Variants in PCDHA6 observed in about 807,000 individuals in gnomAD.
PCDHA6 encodes protocadherin alpha 6.
A neutral mutation model predicts 60.3 loss-of-function variants in PCDHA6; 55 were observed. The observed-to-expected ratio is 0.91, with a 90% confidence interval of 0.73 to 1.14. The LOEUF (loss-of-function observed/expected upper bound fraction) is 1.14, where lower values mean the gene tolerates loss of function less well. Ranked by LOEUF, PCDHA6 falls within the 50% of genes most tolerant of loss-of-function variation. PCDHA6 has a pLI of 0.00. For missense variants in PCDHA6, 1,327 were observed against 1,256.5 expected, an observed-to-expected ratio of 1.06 and a Z score of -0.85; for synonymous variants, 652 against 557.9, an observed-to-expected ratio of 1.17 and a Z score of -2.38.
chr5:140,975,016 G>T (rs782435284), intron 1 of PCDHA6, among the ~76,000 whole-genome samples: 6 of 152,128 alleles, frequency 3.9e-5, no homozygotes, highest in Non-Finnish European at 8.8e-5. Context: ...AACACAGCTG[G>T]GCTGTGTTGT....
Position 140,979,718 on chromosome 5 carries a change from T to C in PCDHA6, c.2453+711T>C, listed in dbSNP as rs372148471. Among the ~76,000 whole-genome samples, 17 of 152,388 alleles carry C rather than the reference T, an allele frequency of 1.1e-4. No homozygotes were observed. The East Asian group carries it at 2.7e-3, about 24-fold the overall frequency. On this transcript the variant is annotated intron_variant, in intron 2 of 3. Transcript: ENST00000529310. ...ATTTCTGGAGGTGATCCAGTATCCA[T>C]GCCATGGGGCCAAATAAAAGATTCA...
chr5:140,853,678 AC>A, intron 1 of PCDHA6: 1 of 988,418 alleles, frequency 1.0e-6, no homozygotes, highest in Non-Finnish European at 1.2e-6. Context: ...CCTATGGTCA[AC>A]CTATCCTTAG....
chr5:140,858,202 A>T (rs782325182), intron 1 of PCDHA6: 5 of 1,597,020 alleles, frequency 3.1e-6, no homozygotes. Context: ...TGTACACTGC[A>T]CTGAGGTGCT....
chr5:140,871,143 G>C (rs2052747767), intron 1 of PCDHA6: 1 of 1,613,356 alleles, frequency 6.2e-7, no homozygotes, highest in South Asian at 1.1e-5. Context: ...CCTCTTCCCG[G>C]ACTTTGGCGG....
At chr5:140,853,308 C>T in intron 1 of PCDHA6, 1 of 983,184 alleles carries the variant, frequency 1.0e-6, no homozygotes, top group Non-Finnish European at 1.2e-6. Context: ...CTGTGAACAC[C>T]TTAGTAATAA....
intron 1 of PCDHA6, chr5:140,928,746 C>G (rs782813323): frequency 1.2e-6 from 2 of 1,614,012 alleles, no homozygotes; most frequent in Non-Finnish European, 1.7e-6. Flanking sequence ...TAGGTGAGCT[C>G]CGTACTGCTC....
In PCDHA6 at chr5:141,010,200, C is replaced by T. The variant is rs1356287133; in HGVS notation, c.*263C>T. On this transcript the variant is annotated 3_prime_UTR_variant, in exon 4 of 4. Coordinates refer to ENST00000529310, the MANE Select transcript of PCDHA6 (RefSeq NM_018909.4). ...AGCAGACCCAAGTTTCCTTTCTCCTCCGCCGCAAAGGAGAGGCTTCCCAGC... is the reference window on the plus strand; with the variant it reads ...AGCAGACCCAAGTTTCCTTTCTCCTTCGCCGCAAAGGAGAGGCTTCCCAGC... The T allele has an allele frequency of 1.3e-6, 2 of 1,551,984 alleles. No individual in the cohort carries two copies. Among genetic ancestry groups the T allele is most frequent in the African/African-American group, 2.7e-5 (2 of 73,038 alleles).
rs2150359947 is a variant in PCDHA6, at chr5:140,843,438, C to T, written c.2394+12953C>T. The T allele has an allele frequency of 2.5e-6, 4 of 1,595,980 alleles. No homozygotes were observed. In the African/African-American group the frequency reaches 5.4e-5, roughly 21 times the overall value. ...GTGTACCTGATCATCGCCATCTGCGCGGTATCCAGCCTGCTGGTGCTCACG... is the reference window on the plus strand; with the variant it reads ...GTGTACCTGATCATCGCCATCTGCGTGGTATCCAGCCTGCTGGTGCTCACG... On this transcript the variant is annotated intron_variant, in intron 1 of 3. Coordinates refer to ENST00000529310, the MANE Select transcript of PCDHA6 (RefSeq NM_018909.4).
chr5:140,955,022 A>G (rs1468442096), intron 1 of PCDHA6, among the ~76,000 whole-genome samples: 2 of 152,182 alleles, frequency 1.3e-5, no homozygotes, highest in Non-Finnish European at 2.9e-5. Flanking sequence ...ACCATTTATT[A>G]AATAGGGAAT....
At chr5:140,882,331 C>G (rs781801545) in intron 1 of PCDHA6, 3 of 1,614,214 alleles carry the variant, frequency 1.9e-6, no homozygotes, top group South Asian at 1.1e-5. Flanking sequence ...TTCTGATCCT[C>G]GCAGCCTGGG....
intron 1 of PCDHA6, among the ~76,000 whole-genome samples, chr5:140,957,275 C>T (rs1203444899): frequency 6.6e-6 from 1 of 152,158 alleles, no homozygotes; most frequent in African/African-American, 2.4e-5. Flanking sequence ...CTAGTCCCCC[C>T]TTACCTGCAG....
In PCDHA6 at chr5:140,927,522, A is replaced by G. The variant is rs1292484442; in HGVS notation, c.2395-51427A>G. On this transcript the variant is annotated intron_variant, in intron 1 of 3. Coordinates refer to ENST00000529310, the MANE Select transcript of PCDHA6 (RefSeq NM_018909.4). ...TGCTTACAGCTCGGGACGGCGGGCT[A>G]CCTGCCCGCTCAGGAGACGCACAAG... 5.6e-6 allele frequency: 9 copies of G among 1,614,088 alleles called. No homozygotes were observed. In the South Asian group the frequency reaches 9.9e-5, roughly 18 times the overall value.
chr5:140,987,892 A>C (rs1383983251), intron 3 of PCDHA6, among the ~76,000 whole-genome samples: 1 of 152,094 alleles, frequency 6.6e-6, no homozygotes, highest in Non-Finnish European at 1.5e-5. Flanking sequence ...TATGTGCCCT[A>C]GTTTTATATG....
rs1563186680 is a variant in PCDHA6 at position 140,941,223 on chromosome 5, C to CTTTCTT, written c.2395-37724_2395-37719dup. Among the ~76,000 whole-genome samples the CTTTCTT allele has an allele frequency of 6.9e-4, 92 of 132,548 alleles. 1 individual carries two copies. The highest frequency in any genetic ancestry group is 2.7e-3 in the African/African-American group (88 of 33,182). The allele number at this position is 132,548 out of a possible 152,430, so 87.0% of individuals were successfully genotyped here. A position where few individuals can be genotyped will look rare whatever the true frequency, so the allele number is the denominator to read the frequency against. ...TCTTCCTTTCTTTCTTCCTTTCTTT[C>CTTTCTT]TTTCTTTCTTTCTTTCTTTCTTTCT... On this transcript the variant is annotated intron_variant, in intron 1 of 3. Coordinates refer to ENST00000529310, the MANE Select transcript of PCDHA6 (RefSeq NM_018909.4).
intron 1 of PCDHA6, among the ~76,000 whole-genome samples, chr5:140,874,942 C>T (rs2055181968): frequency 6.6e-6 from 1 of 152,060 alleles, no homozygotes; most frequent in African/African-American, 2.4e-5. Context: ...ATTGAAACAG[C>T]GGAATTGTAA....
chr5:140,908,816 G>T (rs1606122), intron 1 of PCDHA6, among the ~76,000 whole-genome samples: 42,837 of 152,040 alleles, frequency 0.28, 6,902 homozygotes, highest in East Asian at 0.53. Flanking sequence ...AGAGCCTTTT[G>T]GGTTACTCGA....
chr5:140,877,415 T>A (rs1554169714), intron 1 of PCDHA6: 3 of 1,613,882 alleles, frequency 1.9e-6, no homozygotes, highest in Non-Finnish European at 2.5e-6. Flanking sequence ...CACCGCCTGC[T>A]GGTGCTGGTG....
In PCDHA6 at chr5:140,829,430, G is replaced by T; in HGVS notation, c.1339G>T (p.Asp447Tyr). 1 of 1,614,092 alleles carries T rather than the reference G, an allele frequency of 6.2e-7. No homozygotes were observed. Among genetic ancestry groups the T allele is most frequent in the Non-Finnish European group, 8.5e-7 (1 of 1,180,042 alleles). Residue 447 changes from aspartate (D) to tyrosine (Y), a missense_variant, in exon 1 of 4, where the codon GAC becomes TAC. Transcript: ENST00000529310. Reference sequence around the variant, plus strand: ...CGCCAGCTTGTCTGTGGAGGTGGCCGACATGAATGACAATGCTCCGGCGTT... The same window carrying T: ...CGCCAGCTTGTCTGTGGAGGTGGCCTACATGAATGACAATGCTCCGGCGTT... ...ATASLSVEVADMNDNAPAFAQ... is the reference protein window; with the variant it reads ...ATASLSVEVAYMNDNAPAFAQ...
intron 1 of PCDHA6, chr5:140,882,108 A>G: frequency 7.3e-7 from 1 of 1,370,912 alleles, no homozygotes; most frequent in Non-Finnish European, 9.8e-7. Flanking sequence ...TCCGCGAAGA[A>G]AGCCGCCGTT....
Sources: allele counts gnomAD v4.1 joint callset (sites outside exome capture counted in the v4.1 genomes callset), GRCh38; gene constraint gnomAD v4.1.1; transcripts MANE v1.5; gene names NCBI Gene and HGNC (gene_info 2026-07-23, HGNC 2026-07-21).